Variants in AGBL4 observed in about 807,000 individuals in gnomAD.
The protein encoded by AGBL4 is AGBL carboxypeptidase 4.
In AGBL4, 58 loss-of-function variants were observed where a neutral mutation model predicts 66.4. That is an observed-to-expected ratio of 0.87 (90% CI 0.71 to 1.09). AGBL4 has a LOEUF of 1.09. AGBL4 is among the 50% of genes least tolerant of loss of function. AGBL4 has a pLI of 0.00. For synonymous variants in AGBL4, 234 were observed against 222.9 expected (o/e 1.05, Z -0.44); for missense variants, 579 against 631.0 (o/e 0.92, Z 0.88).
At chr1:48,808,921 T>C (rs1645990634) in intron 6 of AGBL4, among the ~76,000 whole-genome samples, 1 of 152,126 alleles carries the variant, frequency 6.6e-6, no homozygotes, top group Non-Finnish European at 1.5e-5. Context: ...AATAAATGCA[T>C]CTAGAGAAAA....
chr1:48,587,912 G>A (rs1644850359), intron 10 of AGBL4, among the ~76,000 whole-genome samples: 1 of 151,930 alleles, frequency 6.6e-6, no homozygotes, highest in Admixed American at 6.6e-5. Flanking sequence ...AAAGTGCTGG[G>A]ATGTCTCTAT....
chr1:48,667,944 C>T (rs533770208), intron 6 of AGBL4, among the ~76,000 whole-genome samples: 3 of 152,020 alleles, frequency 2.0e-5, no homozygotes, highest in South Asian at 4.2e-4. Flanking sequence ...GATGCTAATG[C>T]GAAGGAAGAA....
At chr1:48,708,690 T>A (rs552951447) in intron 6 of AGBL4, among the ~76,000 whole-genome samples, 3 of 152,372 alleles carry the variant, frequency 2.0e-5, no homozygotes, top group Admixed American at 6.5e-5. Flanking sequence ...GGGCTGAGCC[T>A]AAAGCTCATT....
At chr1:49,569,325 G>GTGATATTAT (rs1644279874) in intron 3 of AGBL4, among the ~76,000 whole-genome samples, 1 of 151,998 alleles carries the variant, frequency 6.6e-6, no homozygotes, top group African/African-American at 2.4e-5. Context: ...GCTCAACAAG[G>GTGATATTAT]TGACTATTGT....
chr1:49,110,601 C>T (rs969690628), intron 4 of AGBL4, among the ~76,000 whole-genome samples: 1 of 152,068 alleles, frequency 6.6e-6, no homozygotes, highest in Non-Finnish European at 1.5e-5. Context: ...TTGCATGTCC[C>T]CTGGATCCCC....
chr1:49,896,700 CA>C (rs375769165), intron 1 of AGBL4, among the ~76,000 whole-genome samples: 159 of 140,480 alleles, frequency 1.1e-3, no homozygotes, highest in East Asian at 2.7e-3. Flanking sequence ...CAAAAATTCT[CA>C]AAAAAAAAAT....
chr1:48,653,257 A>T, intron 8 of AGBL4, 80 bp downstream of exon 8: 1 of 1,150,104 alleles, frequency 8.7e-7, no homozygotes, highest in East Asian at 2.7e-5. Context: ...TTCCTCAAAA[A>T]ATATATCCCG....
At chr1:48,582,473 A>C (rs1407549742) in intron 11 of AGBL4, among the ~76,000 whole-genome samples, 2 of 152,214 alleles carry the variant, frequency 1.3e-5, no homozygotes, top group Admixed American at 1.3e-4. Flanking sequence ...AGAGGGGACA[A>C]GACTTGCTGG....
intron 4 of AGBL4, among the ~76,000 whole-genome samples, chr1:49,146,239 T>C (rs1439219362): frequency 3.3e-5 from 5 of 152,114 alleles, no homozygotes; most frequent in Non-Finnish European, 7.4e-5. Flanking sequence ...CATTTAAAAA[T>C]AACCAAAAGA....
At chr1:49,036,958 T>C (rs1001140323) in intron 5 of AGBL4, among the ~76,000 whole-genome samples, 7 of 151,886 alleles carry the variant, frequency 4.6e-5, no homozygotes, top group African/African-American at 1.7e-4. Flanking sequence ...GTCTTTCTTG[T>C]CACTGGGATG....
Position 48,592,156 on chromosome 1 carries a change from A to G in AGBL4, c.952-1171T>C, listed in dbSNP as rs545853149. Among the ~76,000 whole-genome samples the G allele has an allele frequency of 4.6e-5, 7 of 152,338 alleles. 1 individual carries two copies. The highest frequency in any genetic ancestry group is 4.6e-4 in the Admixed American group (7 of 15,298). On this transcript the variant is annotated intron_variant, in intron 9 of 13. Coordinates refer to ENST00000371839, the MANE Select transcript of AGBL4 (RefSeq NM_032785.4). Reference sequence around the variant, plus strand: ...GGGGAGGGGACTTGACCAAGCTCACAGAATAACGGGGACTGACACTCAGGC... The same window carrying G: ...GGGGAGGGGACTTGACCAAGCTCACGGAATAACGGGGACTGACACTCAGGC...
chr1:49,089,292 A>T (rs1050391506), intron 4 of AGBL4, among the ~76,000 whole-genome samples: 1 of 151,698 alleles, frequency 6.6e-6, no homozygotes, highest in African/African-American at 2.4e-5. Context: ...AAAAAAAAAC[A>T]TTCAAAAGAT....
rs571528203 is a variant in AGBL4, at chr1:48,729,832, T to C, written c.635-66591A>G. On this transcript the variant is annotated intron_variant, in intron 6 of 13. Coordinates refer to ENST00000371839, the MANE Select transcript of AGBL4 (RefSeq NM_032785.4). The stretch of plus-strand genomic sequence containing the variant: ...CTTTTAATTGACCTCGACCAGTCAC[T>C]TCCTGACTATTCCCAAGCCTGACTA... Among the ~76,000 whole-genome samples the C allele has an allele frequency of 1.6e-4, 25 of 152,106 alleles. No individual in the cohort carries two copies. The South Asian group carries it at 4.8e-3, about 29-fold the overall frequency.
chr1:49,894,957 G>C (rs893035947), intron 1 of AGBL4, among the ~76,000 whole-genome samples: 1 of 151,980 alleles, frequency 6.6e-6, no homozygotes, highest in Non-Finnish European at 1.5e-5. Context: ...ACTATGCCAA[G>C]GCAATTAATA....
At chr1:49,495,240 C>T (rs911751835) in intron 3 of AGBL4, among the ~76,000 whole-genome samples, 2 of 152,120 alleles carry the variant, frequency 1.3e-5, no homozygotes, top group Non-Finnish European at 2.9e-5. Flanking sequence ...TCTTTCAACA[C>T]TAATATCTTA....
chr1:49,533,010 A>G (rs1043998049), intron 3 of AGBL4, among the ~76,000 whole-genome samples: 2 of 152,100 alleles, frequency 1.3e-5, no homozygotes, highest in Non-Finnish European at 2.9e-5. Context: ...CCACAGTACA[A>G]TTCTGCTAGT....
intron 6 of AGBL4, among the ~76,000 whole-genome samples, chr1:48,855,240 C>G (rs1647119858): frequency 6.6e-6 from 1 of 152,168 alleles, no homozygotes; most frequent in South Asian, 2.1e-4. Context: ...TCAGTCCATT[C>G]AACTGGATGT....
intron 3 of AGBL4, among the ~76,000 whole-genome samples, chr1:49,594,723 T>C (rs1430066076): frequency 6.6e-6 from 1 of 152,228 alleles, no homozygotes; most frequent in African/African-American, 2.4e-5. Context: ...TGCATAGTTA[T>C]CCATGGTGTA....
chr1:49,228,985 G>A (rs1388629244), intron 4 of AGBL4, among the ~76,000 whole-genome samples: 5 of 152,112 alleles, frequency 3.3e-5, no homozygotes, highest in African/African-American at 7.2e-5. Context: ...TCAGCATGCC[G>A]TATTACAGCC....
Sources: gnomAD v4.1 joint callset for allele counts (sites outside exome capture counted in the v4.1 genomes callset) on GRCh38, gnomAD v4.1.1 for gene constraint, MANE v1.5 for transcripts, NCBI Gene and HGNC (gene_info 2026-07-23, HGNC 2026-07-21) for gene names.